Variants in JPT2 observed in about 807,000 individuals in gnomAD.
JPT2 encodes Jupiter microtubule associated homolog 2, also known as CRAMP_1 like.
JPT2 carries 9 observed loss-of-function variants against 15.9 expected under a neutral mutation model. The ratio of observed to expected loss-of-function variants is 0.57; its 90% confidence interval spans 0.34 to 0.99. The LOEUF is 0.99. JPT2 is among the 50% of genes least tolerant of loss of function. JPT2 has a pLI of 0.02. For missense variants in JPT2, 267 were observed against 252.1 expected (o/e 1.06, Z -0.40); for synonymous variants, 95 against 91.7 (o/e 1.04, Z -0.21).
At position 1,700,841 on chromosome 16, in the gene JPT2, A is replaced by G. The variant is rs2037175801; in HGVS notation, c.*1843A>G. On this transcript the variant is annotated 3_prime_UTR_variant, in exon 5 of 5. Coordinates refer to ENST00000248098, the MANE Select transcript of JPT2 (RefSeq NM_144570.3). ...GGACGTGACGGTACTGGGCCCTGTG[A>G]TTCTCCCAGCCCTTGCAGTCCGCTA... The G allele has an allele frequency of 6.6e-6, 1 of 152,190 alleles. No homozygotes were observed. Among genetic ancestry groups the G allele is most frequent in the African/African-American group, 2.4e-5 (1 of 41,428 alleles). The allele number at this position is 152,190 out of a possible 1,614,324, so 9.4% of individuals were successfully genotyped here.
Position 1,698,689 on chromosome 16 carries a change from T to G in JPT2, c.386-122T>G. The G allele has an allele frequency of 1.1e-6, 1 of 948,666 alleles. No homozygotes were observed. 58.8% of individuals were successfully genotyped at this position (948,666 alleles called of 1,614,324 possible). A position where few individuals can be genotyped will look rare whatever the true frequency, so the allele number is the denominator to read the frequency against. On this transcript the variant is annotated intron_variant, in intron 4 of 4. Coordinates refer to ENST00000248098, the MANE Select transcript of JPT2 (RefSeq NM_144570.3). The surrounding 1 kb of genome is among the most constrained non-coding windows in gnomAD (Gnocchi z 4.9). ...AAGCCTGTCTATATTGTCTTCTCTT[T>G]CCCAGTTACAGCATGAATTTCTTGC... is the stretch of plus-strand genomic sequence containing the variant.
intron 2 of JPT2, among the ~76,000 whole-genome samples, chr16:1,687,269 G>A (rs1483826976): frequency 6.6e-6 from 1 of 152,160 alleles, no homozygotes; most frequent in African/African-American, 2.4e-5. Context: ...TTACAGACAT[G>A]CACCCTTGTG....
intron 1 of JPT2, among the ~76,000 whole-genome samples, chr16:1,682,547 C>A (rs2037031696): frequency 6.6e-6 from 1 of 152,120 alleles, no homozygotes; most frequent in African/African-American, 2.4e-5. Flanking sequence ...TGGCGGGCAT[C>A]TGTAATCCCA....
rs2037167481 is a variant in JPT2 at position 1,699,574 on chromosome 16, T to C, written c.*576T>C. On this transcript the variant is annotated 3_prime_UTR_variant, in exon 5 of 5. Transcript: ENST00000248098. The stretch of plus-strand genomic sequence containing the variant: ...TCAAAAAACCAAATAATAATAGTTA[T>C]CCGTCTTCTACTTCATGGAAGATTG... The C allele has an allele frequency of 9.2e-6, 3 of 326,352 alleles. No individual in the cohort carries two copies. The highest frequency in any genetic ancestry group is 4.0e-5 in the Admixed American group (1 of 25,008). 20.2% of individuals were successfully genotyped at this position (326,352 alleles called of 1,614,324 possible).
rs2037160819 is a variant in JPT2, at chr16:1,698,834, G to A, written c.409G>A (p.Ala137Thr). Residue 137 changes from alanine (A) to threonine (T), a missense_variant, in exon 5 of 5, where the codon GCA becomes ACA. Ala to Thr is a moderately conservative substitution (Grantham distance 58, BLOSUM62 0). Transcript: ENST00000248098. The surrounding 1 kb of genome is among the most constrained non-coding windows in gnomAD (Gnocchi z 4.9). Reference protein sequence around the residue: ...LKAARSIPAGAEPGEKGSARK... With the variant: ...LKAARSIPAGTEPGEKGSARK... ...AGCTGCAAGGAGCATCCCGGCTGGA[G>A]CAGAGCCAGGTGAGAAAGGCAGCGC... The A allele has an allele frequency of 1.6e-5, 26 of 1,613,642 alleles. No homozygotes were observed. Among genetic ancestry groups the A allele is most frequent in the Non-Finnish European group, 2.1e-5 (25 of 1,179,842 alleles).
At chr16:1,684,205 T>C (rs1378932350) in intron 1 of JPT2, among the ~76,000 whole-genome samples, 2 of 152,238 alleles carry the variant, frequency 1.3e-5, no homozygotes, top group African/African-American at 4.8e-5. Flanking sequence ...TACAGAGGGC[T>C]GACTTCGTTT....
chr16:1,697,645 T>A (rs145615657), intron 3 of JPT2, among the ~76,000 whole-genome samples, 167 bp from the exon 4 acceptor site: 1 of 152,204 alleles, frequency 6.6e-6, no homozygotes, highest in Non-Finnish European at 1.5e-5. Context: ...AAATGAAATA[T>A]CAGGTTTGTT....
chr16:1,694,287 T>C (rs1046961654), intron 3 of JPT2, among the ~76,000 whole-genome samples: 2 of 152,208 alleles, frequency 1.3e-5, no homozygotes, highest in African/African-American at 4.8e-5. Flanking sequence ...TGGGCCCCCA[T>C]TGACGCTGTT....
rs1182672832 is a variant in JPT2 at position 1,699,409 on chromosome 16, GTA to G, written c.*415_*416del. 7 of 402,318 alleles carry G rather than the reference GTA, an allele frequency of 1.7e-5. No homozygotes were observed. Among genetic ancestry groups the G allele is most frequent in the Non-Finnish European group, 3.5e-5 (7 of 200,206 alleles). 24.9% of individuals were successfully genotyped at this position (402,318 alleles called of 1,614,324 possible). A position where few individuals can be genotyped will look rare whatever the true frequency, so the allele number is the denominator to read the frequency against. Reference sequence around the variant, plus strand: ...GGAGGCGTAAGCAGAAACACTAACAGTATATTGACCTCTTAGCAGAACCGCTT... The same window carrying G: ...GGAGGCGTAAGCAGAAACACTAACAGTATTGACCTCTTAGCAGAACCGCTT... On this transcript the variant is annotated 3_prime_UTR_variant, in exon 5 of 5. Transcript: ENST00000248098.
intron 1 of JPT2, among the ~76,000 whole-genome samples, chr16:1,681,714 G>A (rs1015659336): frequency 2.0e-5 from 3 of 152,164 alleles, no homozygotes; most frequent in African/African-American, 4.8e-5. Flanking sequence ...TATCTACGGC[G>A]TCTGGGGAAG....
intron 1 of JPT2, among the ~76,000 whole-genome samples, chr16:1,681,710 C>T (rs952751883): frequency 7.2e-5 from 11 of 152,180 alleles, no homozygotes; most frequent in East Asian, 1.9e-4. Flanking sequence ...CCTCTATCTA[C>T]GGCGTCTGGG....
intron 2 of JPT2, among the ~76,000 whole-genome samples, chr16:1,687,681 C>T (rs972641109): frequency 7.9e-5 from 12 of 152,330 alleles, no homozygotes; most frequent in African/African-American, 2.9e-4. Context: ...TGGTGCCAGC[C>T]ATCATGGCTC....
At chr16:1,681,359 C>A (rs957529368) in intron 1 of JPT2, among the ~76,000 whole-genome samples, 2 of 152,190 alleles carry the variant, frequency 1.3e-5, no homozygotes, top group African/African-American at 4.8e-5. Context: ...CCTGTGTGCG[C>A]CATAATTTCT....
chr16:1,697,111 T>C (rs1413946781), intron 3 of JPT2, among the ~76,000 whole-genome samples: 1 of 152,234 alleles, frequency 6.6e-6, no homozygotes, highest in Non-Finnish European at 1.5e-5. Context: ...CAATGGAATA[T>C]TACTCAGCCA....
intron 2 of JPT2, chr16:1,686,004 G>A (rs2037062304): frequency 5.7e-6 from 1 of 175,318 alleles, no homozygotes; most frequent in Admixed American, 5.7e-5. Context: ...AGGAAGAATT[G>A]ATCTAGCACA....
At chr16:1,692,254 C>T in intron 3 of JPT2, 2 of 494,024 alleles carry the variant, frequency 4.0e-6, no homozygotes, top group East Asian at 3.7e-5. Flanking sequence ...CGGCTCCTCA[C>T]TGCAGTGCTG....
chr16:1,680,479 G>A (rs1159662330), intron 1 of JPT2: 6 of 1,247,278 alleles, frequency 4.8e-6, no homozygotes, highest in East Asian at 6.2e-5. Flanking sequence ...AAGGAAAGCC[G>A]GTCTGAACTG....
intron 1 of JPT2, chr16:1,680,474 A>G: frequency 8.0e-7 from 1 of 1,246,002 alleles, no homozygotes; most frequent in South Asian, 1.3e-5. Flanking sequence ...TGAGGAAGGA[A>G]AGCCGGTCTG....
intron 3 of JPT2, among the ~76,000 whole-genome samples, chr16:1,692,922 A>G (rs1344360360): frequency 6.6e-6 from 1 of 152,192 alleles, no homozygotes; most frequent in Non-Finnish European, 1.5e-5. Flanking sequence ...TTAAAATGGA[A>G]ATGTAGACAG....
Sources: gnomAD v4.1 joint callset for allele counts (sites outside exome capture counted in the v4.1 genomes callset) on GRCh38, gnomAD v4.1.1 for gene constraint, Gnocchi (gnomAD v3.1) non-coding constraint, MANE v1.5 for transcripts, NCBI Gene and HGNC (gene_info 2026-07-23, HGNC 2026-07-21) for gene names.